PHEX: variants seen among roughly 807,000 people sequenced by gnomAD.
The protein encoded by PHEX is phosphate regulating endopeptidase X-linked.
A neutral mutation model predicts 68.0 loss-of-function variants in PHEX; 16 were observed. That is an observed-to-expected ratio of 0.24 (90% CI 0.16 to 0.36). The LOEUF is 0.36. Among genes scored for constraint, PHEX ranks in the 10% least tolerant of loss-of-function variants. The pLI, the probability that PHEX is intolerant of heterozygous loss-of-function variation, is 1.00. For missense variants in PHEX, 480 were observed against 575.5 expected (o/e 0.83, Z 1.70); for synonymous variants, 208 against 205.1 (o/e 1.01, Z -0.12).
intron 5 of PHEX, among the ~76,000 whole-genome samples, chrX:22,082,174 A>G (rs1210099240): frequency 1.8e-5 from 2 of 111,814 alleles, no homozygotes; most frequent in African/African-American, 6.5e-5. Flanking sequence ...GGTACATGTG[A>G]TAATCTGATA....
intron 12 of PHEX, among the ~76,000 whole-genome samples, chrX:22,143,074 C>A (rs139869474): frequency 6.4e-4 from 72 of 112,113 alleles, no homozygotes; most frequent in African/African-American, 2.3e-3. Flanking sequence ...AAATTTATAC[C>A]ATTTCTGTTT....
rs185892306 is a variant in PHEX at position 22,039,444 on chromosome X, A to C, written c.187+907A>C. On this transcript the variant is annotated intron_variant, in intron 2 of 21. Transcript: ENST00000379374. The stretch of plus-strand genomic sequence containing the variant: ...GTTGCCCCAAAAGCAGCAACAGGGA[A>C]ATTCCCATGAGGGAATATCCCATCC... 1.4e-3 allele frequency among the ~76,000 whole-genome samples: 155 copies of C among 112,420 alleles called. 1 individual carries two copies. The highest frequency in any genetic ancestry group is 4.6e-3 in the African/African-American group (142 of 30,971).
At chrX:22,226,782 C>T (rs1935522414) in intron 19 of PHEX, among the ~76,000 whole-genome samples, 1 of 111,222 alleles carries the variant, frequency 9.0e-6, no homozygotes, top group African/African-American at 3.3e-5. Context: ...ATACATTCAC[C>T]ATCAGATCGA....
At chrX:22,158,842 G>C (rs1351520527) in intron 12 of PHEX, among the ~76,000 whole-genome samples, 1 of 112,362 alleles carries the variant, frequency 8.9e-6, no homozygotes, top group East Asian at 2.8e-4. Flanking sequence ...GGTGATTTGA[G>C]AGTTTAAATC....
chrX:22,126,870 T>G lies in PHEX; in HGVS notation c.1303-6653T>G, dbSNP rs1054886854. ...CATAAAATCTGAAATAGTTGTTTTTTTTTTTTTTTTTTTTTTTTTGAGACA... is the reference window on the plus strand; with the variant it reads ...CATAAAATCTGAAATAGTTGTTTTTGTTTTTTTTTTTTTTTTTTTGAGACA... On this transcript the variant is annotated intron_variant, in intron 11 of 21. Coordinates refer to ENST00000379374, the MANE Select transcript of PHEX (RefSeq NM_000444.6). Among the ~76,000 whole-genome samples the G allele has an allele frequency of 2.5e-3, 221 of 86,962 alleles. 5 individuals are homozygous for G. The highest frequency in any genetic ancestry group is 9.1e-3 in the African/African-American group (205 of 22,475). The allele number at this position is 86,962 out of a possible 115,157, so 75.5% of individuals were successfully genotyped here. A position where few individuals can be genotyped will look rare whatever the true frequency, so the allele number is the denominator to read the frequency against.
chrX:22,249,811 T>G lies in PHEX; in HGVS notation c.*1858T>G, dbSNP rs1936521438. The G allele has an allele frequency of 9.0e-6, 1 of 110,823 alleles. No homozygotes were observed. Among genetic ancestry groups the G allele is most frequent in the Non-Finnish European group, 1.9e-5 (1 of 53,042 alleles). 9.1% of individuals were successfully genotyped at this position (110,823 alleles called of 1,213,427 possible). ...AGATACTCTGTTTTATTCCTGGACTTGGGTGTTTAAAATCAGCTGAGGTTT... is the reference window on the plus strand; with the variant it reads ...AGATACTCTGTTTTATTCCTGGACTGGGGTGTTTAAAATCAGCTGAGGTTT... On this transcript the variant is annotated 3_prime_UTR_variant, in exon 22 of 22. Coordinates refer to ENST00000379374, the MANE Select transcript of PHEX (RefSeq NM_000444.6).
rs763517570 is a variant in PHEX, at chrX:22,090,495, T to C, written c.730T>C (p.Ser244Pro). 1 of 1,186,266 alleles carries C rather than the reference T, an allele frequency of 8.4e-7. No homozygotes were observed. Among genetic ancestry groups the C allele is most frequent in the Non-Finnish European group, 1.1e-6 (1 of 872,128 alleles). ...CCTTGATAACAGTACAGAAGCCAAG[T>C]CTGTAAGTTTTACTCATATTCAACT... Reference protein sequence around the residue: ...DYLDNSTEAKSYRDALYKFMV... With the variant: ...DYLDNSTEAKPYRDALYKFMV... The change falls in exon 6 of 22, where the codon TCT (serine) becomes CCT (proline). Residue 244 changes from serine to proline, a missense_variant and splice_region_variant. Transcript: ENST00000379374.
Position 22,032,455 on chromosome X carries a change from C to G in PHEX, c.-551C>G, listed in dbSNP as rs1926842899. 1 of 119,296 alleles carries G rather than the reference C, an allele frequency of 8.4e-6. No homozygotes were observed. Among genetic ancestry groups the G allele is most frequent in the Admixed American group, 8.4e-5 (1 of 11,881 alleles). The allele number at this position is 119,296 out of a possible 1,213,427, so 9.8% of individuals were successfully genotyped here. A position where few individuals can be genotyped will look rare whatever the true frequency, so the allele number is the denominator to read the frequency against. ...AAGGCTTTAAAAAGGGACTCACACA[C>G]TGAAAGAATATCTTTGATGAAGACA... On this transcript the variant is annotated 5_prime_UTR_variant, in exon 1 of 22. Coordinates refer to ENST00000379374, the MANE Select transcript of PHEX (RefSeq NM_000444.6).
intron 15 of PHEX, among the ~76,000 whole-genome samples, chrX:22,202,566 GA>G (rs1310275671): frequency 8.9e-6 from 1 of 112,190 alleles, no homozygotes; most frequent in East Asian, 2.8e-4. Context: ...AATGAATAGA[GA>G]GACTCAGTTT....
intron 12 of PHEX, among the ~76,000 whole-genome samples, chrX:22,137,813 T>C (rs1383057130): frequency 3.6e-5 from 4 of 111,879 alleles, no homozygotes; most frequent in Non-Finnish European, 7.5e-5. Flanking sequence ...CCTGCCTGAC[T>C]TCCAACTGCA....
intron 3 of PHEX, among the ~76,000 whole-genome samples, chrX:22,064,474 T>C (rs1335914789): frequency 8.9e-6 from 1 of 112,068 alleles, no homozygotes; most frequent in South Asian, 3.7e-4. Flanking sequence ...CTGCAAAGGA[T>C]GATCTCATTC....
chrX:22,199,193 C>G (rs1363335156), intron 15 of PHEX, among the ~76,000 whole-genome samples: 1 of 110,959 alleles, frequency 9.0e-6, no homozygotes, highest in Non-Finnish European at 1.9e-5. Flanking sequence ...AGATCATGGT[C>G]TGGAGAGGGA....
chrX:22,088,808 G>A (rs1358309482), intron 5 of PHEX, among the ~76,000 whole-genome samples: 1 of 111,616 alleles, frequency 9.0e-6, no homozygotes, highest in East Asian at 2.8e-4. Context: ...TGTCGATAAA[G>A]TCTAATTTAT....
At chrX:22,088,187 G>A (rs924737459) in intron 5 of PHEX, among the ~76,000 whole-genome samples, 4 of 111,840 alleles carry the variant, frequency 3.6e-5, no homozygotes. Context: ...TTATTGTTGA[G>A]TAGTATTCCA....
chrX:22,149,516 G>A (rs1415169387), intron 12 of PHEX, among the ~76,000 whole-genome samples: 1 of 112,805 alleles, frequency 8.9e-6, no homozygotes, highest in East Asian at 2.8e-4. Context: ...CACTTTGGGA[G>A]GCCAAGGCGG....
At chrX:22,121,109 G>C (rs755971980) in intron 11 of PHEX, among the ~76,000 whole-genome samples, 2 of 112,242 alleles carry the variant, frequency 1.8e-5, no homozygotes. Context: ...TTCTTATAGA[G>C]TAAACCCTGC....
At chrX:22,231,675 C>T (rs1439945482) in intron 20 of PHEX, among the ~76,000 whole-genome samples, 1 of 111,258 alleles carries the variant, frequency 9.0e-6, no homozygotes, top group African/African-American at 3.3e-5. Flanking sequence ...ATTAGTCTTT[C>T]TTGCTAGTGG....
chrX:22,140,129 T>C, intron 12 of PHEX, among the ~76,000 whole-genome samples: 1 of 111,832 alleles, frequency 8.9e-6, no homozygotes, highest in Admixed American at 9.5e-5. Context: ...TTGAGAGCTC[T>C]AGGTGATTAC....
At chrX:22,110,718 C>T (rs768036502) in intron 9 of PHEX, among the ~76,000 whole-genome samples, 2 of 110,077 alleles carry the variant, frequency 1.8e-5, no homozygotes, top group African/African-American at 3.3e-5. Flanking sequence ...AACCAAACAC[C>T]GCATGTTCTC....
Sources: allele counts gnomAD v4.1 joint callset (sites outside exome capture counted in the v4.1 genomes callset), GRCh38; gene constraint gnomAD v4.1.1; transcripts MANE v1.5; gene names NCBI Gene and HGNC (gene_info 2026-07-23, HGNC 2026-07-21).